FADS1: variants seen among roughly 807,000 people sequenced by gnomAD.
FADS1 encodes the protein acyl-CoA (8-3)-desaturase.
Under a neutral mutation model 61.6 loss-of-function variants are expected in FADS1, and 17 were observed. The observed-to-expected ratio is 0.28, with a 90% CI of 0.19 to 0.41. The LOEUF is 0.41. Among genes scored for constraint, FADS1 ranks in the 10% least tolerant of loss-of-function variants. FADS1 has a pLI of 1.00. For missense variants in FADS1, 387 were observed against 650.9 expected (o/e 0.59, Z 4.41); for synonymous variants, 238 against 258.7 (o/e 0.92, Z 0.77).
rs186561491 is a variant in FADS1, at chr11:61,812,703, A to T, written c.487-35T>A. The stretch of plus-strand genomic sequence containing the variant: ...AGGAAGAGGAGCTGTTATTCTTCTC[A>T]TCTGCACCCCAATGCTACTGGAGAC... On this transcript the variant is annotated intron_variant, in intron 2 of 11. Transcript: ENST00000350997. The T allele has an allele frequency of 1.2e-3, 1,865 of 1,580,934 alleles. 1 individual carries two copies. Among genetic ancestry groups the T allele is most frequent in the Non-Finnish European group, 1.5e-3 (1,725 of 1,157,020 alleles).
chr11:61,812,983 G>A (rs1301324706), intron 2 of FADS1, among the ~76,000 whole-genome samples: 1 of 152,186 alleles, frequency 6.6e-6, no homozygotes. Flanking sequence ...TGCATAGTAA[G>A]TGCTCATATG....
intron 6 of FADS1, 57 bp downstream of exon 6, chr11:61,806,607 C>T: frequency 6.8e-7 from 1 of 1,476,526 alleles, no homozygotes; most frequent in Non-Finnish European, 9.5e-7. Flanking sequence ...ACATCCTCCT[C>T]ATTCCCTCAG....
rs1278729890 is a variant in FADS1, at chr11:61,815,850, C to T, written c.375+705G>A. The T allele has an allele frequency of 1.1e-5, 2 of 182,852 alleles. No individual in the cohort carries two copies. Among genetic ancestry groups the T allele is most frequent in the African/African-American group, 4.7e-5 (2 of 42,376 alleles). 11.3% of individuals were successfully genotyped at this position (182,852 alleles called of 1,614,324 possible). A position where few individuals can be genotyped will look rare whatever the true frequency, so the allele number is the denominator to read the frequency against. ...CTGAAGACCTCGCTGGCCTGCGGCT[C>T]AGTGGCCTCCCCGGCGATTCGAGAA... On this transcript the variant is annotated intron_variant, in intron 1 of 11. Coordinates refer to ENST00000350997, the MANE Select transcript of FADS1 (RefSeq NM_013402.7). This position sits in a 1 kb window ranked among gnomAD's most constrained non-coding sequence, Gnocchi z 6.4.
chr11:61,813,141 CTG>C (rs2066943186), intron 2 of FADS1, 100 bp downstream of exon 2: 2 of 789,176 alleles, frequency 2.5e-6, no homozygotes, highest in African/African-American at 1.7e-5. Context: ...CTACTACTGA[CTG>C]TGATTACTAT....
At chr11:61,806,589 G>T in intron 6 of FADS1, 75 bp downstream of exon 6, 2 of 1,327,504 alleles carry the variant, frequency 1.5e-6, no homozygotes, top group Non-Finnish European at 2.2e-6. Context: ...ATAATCCCTT[G>T]GACAGCCACA....
intron 5 of FADS1, among the ~76,000 whole-genome samples, chr11:61,809,819 T>A (rs896192456): frequency 6.6e-6 from 1 of 152,080 alleles, no homozygotes; most frequent in East Asian, 1.9e-4. Flanking sequence ...ATAAGAACAT[T>A]ATGGACAGGT....
Position 61,801,372 on chromosome 11 carries a change from C to CT in FADS1, c.*1038dup, listed in dbSNP as rs1268574599. ...CTAACTTGTCCCATCTGCTCACTTG[C>CT]TTATGGAGCTAAAAGACCCCCAGTC... On this transcript the variant is annotated 3_prime_UTR_variant, in exon 12 of 12. Transcript: ENST00000350997. The CT allele has an allele frequency of 6.6e-6, 1 of 152,306 alleles. No homozygotes were observed. Among genetic ancestry groups the CT allele is most frequent in the Non-Finnish European group, 1.5e-5 (1 of 68,024 alleles). 9.4% of individuals were successfully genotyped at this position (152,306 alleles called of 1,614,324 possible). A position where few individuals can be genotyped will look rare whatever the true frequency, so the allele number is the denominator to read the frequency against.
At position 61,812,427 on chromosome 11, in the gene FADS1, G is replaced by A. The variant is rs769852777; in HGVS notation, c.684+44C>T. ...AAACACCCAAGGAGCTTTCCCCAGG[G>A]ATGCTGAGCATTGCTGTGCACTTGA... On this transcript the variant is annotated intron_variant, in intron 3 of 11. Transcript: ENST00000350997. 2.5e-6 allele frequency: 4 copies of A among 1,584,330 alleles called. No individual in the cohort carries two copies. In the African/African-American group the frequency reaches 5.4e-5, roughly 21 times the overall value.
rs1432858410 is a variant in FADS1 at position 61,816,834 on chromosome 11, G to A, written c.96C>T (p.His32=). ...TGCTCGGGGTCCGCGGGCTCCAGGA[G>A]TGGATTTGCTGGCGCGCGCCCAGAG... is the stretch of plus-strand genomic sequence containing the variant. ...RLALGARQQI[H]SWSPRTPSTR... is the part of the protein sequence containing the mutation. The change falls in exon 1 of 12, where the codon CAC becomes CAT. Residue 32 remains histidine (H), a synonymous_variant. Transcript: ENST00000350997. The surrounding 1 kb of genome is among the most constrained non-coding windows in gnomAD (Gnocchi z 7.0). 1.3e-6 allele frequency: 2 copies of A among 1,492,966 alleles called. No homozygotes were observed. The highest frequency in any genetic ancestry group is 1.8e-6 in the Non-Finnish European group (2 of 1,131,222). The allele number at this position is 1,492,966 out of a possible 1,614,324, so 92.5% of individuals were successfully genotyped here.
chr11:61,816,203 A>T lies in FADS1; in HGVS notation c.375+352T>A. ...CCCCCTCCCTCCCCAGGCGGCCTGC[A>T]TCCTTGCTCTCCTCCCTCCTAGCCT... On this transcript the variant is annotated intron_variant, in intron 1 of 11. Transcript: ENST00000350997. The surrounding 1 kb of genome is among the most constrained non-coding windows in gnomAD (Gnocchi z 7.0). The T allele has an allele frequency of 6.5e-7, 1 of 1,539,738 alleles. No homozygotes were observed. The highest frequency in any genetic ancestry group is 8.8e-7 in the Non-Finnish European group (1 of 1,141,920).
At chr11:61,806,618 C>T (rs1591151290) in intron 6 of FADS1, 46 bp downstream of exon 6, 1 of 1,513,418 alleles carries the variant, frequency 6.6e-7, no homozygotes, top group Non-Finnish European at 9.2e-7. Flanking sequence ...ATTCCCTCAG[C>T]ATTCCCTCCT....
chr11:61,804,816 G>T (rs752575769), intron 6 of FADS1, 55 bp from the exon 7 acceptor site: 1 of 1,477,012 alleles, frequency 6.8e-7, no homozygotes, highest in Admixed American at 1.7e-5. Context: ...GTCATGAAAG[G>T]GCCAGTTGAT....
intron 7 of FADS1, 79 bp downstream of exon 7, chr11:61,804,606 G>T: frequency 8.4e-7 from 1 of 1,186,780 alleles, no homozygotes; most frequent in Non-Finnish European, 1.2e-6. Context: ...TCAGTCTCAA[G>T]TTTCCCCTGG....
At chr11:61,813,730 C>G (rs1027997640) in intron 1 of FADS1, among the ~76,000 whole-genome samples, 6 of 152,132 alleles carry the variant, frequency 3.9e-5, no homozygotes, top group Non-Finnish European at 7.4e-5. Flanking sequence ...CTTTGGGAGG[C>G]CAAGGCGGGT....
chr11:61,815,053 C>G lies in FADS1; in HGVS notation c.375+1502G>C, dbSNP rs1419032446. 6.4e-6 allele frequency: 1 copy of G among 155,578 alleles called. No homozygotes were observed. Among genetic ancestry groups the G allele is most frequent in the African/African-American group, 2.4e-5 (1 of 41,550 alleles). 9.6% of individuals were successfully genotyped at this position (155,578 alleles called of 1,614,324 possible). On this transcript the variant is annotated intron_variant, in intron 1 of 11. Coordinates refer to ENST00000350997, the MANE Select transcript of FADS1 (RefSeq NM_013402.7). The surrounding 1 kb of genome is among the most constrained non-coding windows in gnomAD (Gnocchi z 6.4). The stretch of plus-strand genomic sequence containing the variant: ...ACATTTCCCTAAGCACTCTGGCCAC[C>G]CCCTGCCCCAAGGCAGCTACTTTGG...
chr11:61,799,717 T>A lies in FADS1; in HGVS notation c.*2694A>T, dbSNP rs2066841750. 6.6e-6 allele frequency: 1 copy of A among 152,356 alleles called. No individual in the cohort carries two copies. The highest frequency in any genetic ancestry group is 1.5e-5 in the Non-Finnish European group (1 of 68,030). 9.4% of individuals were successfully genotyped at this position (152,356 alleles called of 1,614,324 possible). ...AAAAGAATACTGATATTGGGCCTGA[T>A]TTAAAAAATGCCTCTGGCCAGGTTG... On this transcript the variant is annotated 3_prime_UTR_variant, in exon 12 of 12. Transcript: ENST00000350997.
At position 61,804,773 on chromosome 11, in the gene FADS1, A is replaced by G. The variant is rs746177191; in HGVS notation, c.977-12T>C. The G allele has an allele frequency of 1.2e-6, 2 of 1,612,158 alleles. No individual in the cohort carries two copies. Among genetic ancestry groups the G allele is most frequent in the East Asian group, 2.2e-5 (1 of 44,874 alleles). ...GGCTGGGGGCCCAACTGGGGAGGAA[A>G]CCGAGACAAAGAGGAGGCATGAGCA... On this transcript the variant is annotated splice_polypyrimidine_tract_variant and intron_variant, in intron 6 of 11. Transcript: ENST00000350997.
intron 5 of FADS1, among the ~76,000 whole-genome samples, chr11:61,809,718 C>T (rs565481345): frequency 3.7e-4 from 57 of 152,262 alleles, no homozygotes; most frequent in South Asian, 1.0e-3. Flanking sequence ...GGGAGTCAGA[C>T]GGGGGACAGG....
chr11:61,803,558 C>A lies in FADS1; in HGVS notation c.1152-99G>T. On this transcript the variant is annotated intron_variant, in intron 8 of 11. Transcript: ENST00000350997. The surrounding 1 kb of genome is among the most constrained non-coding windows in gnomAD (Gnocchi z 4.3). ...CTCCAGCCTGTCTACTTTCCCAAGC[C>A]AACTCCTGAAACACCCACTGTTACC... The A allele has an allele frequency of 7.3e-7, 1 of 1,373,134 alleles. No individual in the cohort carries two copies. The highest frequency in any genetic ancestry group is 1.0e-6 in the Non-Finnish European group (1 of 960,722). The allele number at this position is 1,373,134 out of a possible 1,614,324, so 85.1% of individuals were successfully genotyped here.
Sources: allele counts gnomAD v4.1 joint callset (sites outside exome capture counted in the v4.1 genomes callset), GRCh38; gene constraint gnomAD v4.1.1; non-coding constraint Gnocchi (gnomAD v3.1); transcripts MANE v1.5; gene names NCBI Gene and HGNC (gene_info 2026-07-23, HGNC 2026-07-21).